The following RALYL variants were observed in gnomAD, a reference collection of about 807,000 sequenced individuals.
RALYL encodes the protein RALY RNA binding protein like, also known as RNA-binding Raly-like protein.
In RALYL, 29 loss-of-function variants were observed where a neutral mutation model predicts 35.1. The observed-to-expected ratio is 0.83, with a 90% CI of 0.61 to 1.13. The LOEUF (loss-of-function observed/expected upper bound fraction) is 1.13. Among genes scored for constraint, RALYL ranks in the 50% most tolerant of loss-of-function variants. RALYL has a pLI of 0.00. For synonymous variants in RALYL, 120 were observed against 127.6 expected (o/e 0.94, Z 0.40); for missense variants, 359 against 360.4 (o/e 1.00, Z 0.03).
chr8:84,312,675 T>G (rs1335525581), intron 1 of RALYL, among the ~76,000 whole-genome samples: 1 of 152,236 alleles, frequency 6.6e-6, no homozygotes, highest in South Asian at 2.1e-4. Context: ...CAGGGCATGC[T>G]GATGCAAAGG....
chr8:84,840,822 T>G (rs1833108484), intron 4 of RALYL, among the ~76,000 whole-genome samples: 1 of 152,146 alleles, frequency 6.6e-6, no homozygotes, highest in African/African-American at 2.4e-5. Flanking sequence ...TCAACATTCT[T>G]AAAGAAAAGA....
chr8:84,192,886 A>AGTGT (rs758028998), intron 1 of RALYL, among the ~76,000 whole-genome samples: 17 of 73,164 alleles, frequency 2.3e-4, no homozygotes, highest in East Asian at 1.4e-3. Flanking sequence ...TGAGGGAGGG[A>AGTGT]GTGTGTGTGT....
At chr8:84,342,057 T>C (rs1008292062) in intron 1 of RALYL, among the ~76,000 whole-genome samples, 1 of 151,350 alleles carries the variant, frequency 6.6e-6, no homozygotes, top group Non-Finnish European at 1.5e-5. Context: ...AAAAATATTG[T>C]TAATAAGACT....
intron 1 of RALYL, among the ~76,000 whole-genome samples, chr8:84,507,614 G>C (rs1270737897): frequency 1.3e-5 from 2 of 152,102 alleles, no homozygotes; most frequent in Non-Finnish European, 2.9e-5. Context: ...GCTCCTTGTT[G>C]CTCTGTGACA....
At chr8:84,360,592 C>A (rs1852786136) in intron 1 of RALYL, among the ~76,000 whole-genome samples, 1 of 151,994 alleles carries the variant, frequency 6.6e-6, no homozygotes, top group Non-Finnish European at 1.5e-5. Flanking sequence ...AAGCAGGGGG[C>A]ACAAGGATAC....
intron 2 of RALYL, among the ~76,000 whole-genome samples, chr8:84,746,994 GAAT>G (rs1808759412): frequency 6.6e-6 from 1 of 151,620 alleles, no homozygotes; most frequent in Non-Finnish European, 1.5e-5. Context: ...GGAAGAGTAG[GAAT>G]AATAAGCATT....
intron 8 of RALYL, among the ~76,000 whole-genome samples, chr8:84,894,116 G>A (rs1844336893): frequency 6.6e-6 from 1 of 152,116 alleles, no homozygotes; most frequent in Admixed American, 6.6e-5. Context: ...TTGAAAAACT[G>A]GAATGCATAA....
At chr8:84,317,144 A>G (rs1416501483) in intron 1 of RALYL, among the ~76,000 whole-genome samples, 5 of 152,172 alleles carry the variant, frequency 3.3e-5, no homozygotes, top group Admixed American at 3.3e-4. Context: ...ATTTTGTGAT[A>G]TTTTAGTTAT....
intron 1 of RALYL, among the ~76,000 whole-genome samples, chr8:84,418,732 AC>A (rs528303796): frequency 3.3e-5 from 5 of 152,136 alleles, no homozygotes; most frequent in African/African-American, 4.8e-5. Context: ...ATTCACTGGG[AC>A]CTTGAACTTA....
chr8:84,682,961 T>G (rs906717627), intron 2 of RALYL, among the ~76,000 whole-genome samples: 1 of 152,214 alleles, frequency 6.6e-6, no homozygotes, highest in African/African-American at 2.4e-5. Context: ...TCTTTCCTGC[T>G]TTCTCCTGTG....
chr8:84,882,572 A>G (rs889018039), intron 7 of RALYL, among the ~76,000 whole-genome samples: 5 of 152,044 alleles, frequency 3.3e-5, no homozygotes, highest in African/African-American at 1.2e-4. Flanking sequence ...GACACATTTG[A>G]TATTTATTTT....
At chr8:84,870,034 G>GTGAT in intron 6 of RALYL, among the ~76,000 whole-genome samples, 1 of 152,224 alleles carries the variant, frequency 6.6e-6, no homozygotes, top group Admixed American at 6.5e-5. Flanking sequence ...AGATACTACA[G>GTGAT]TGATAGTGAT....
chr8:84,311,093 G>GAAAAAAA (rs1354856646), intron 1 of RALYL, among the ~76,000 whole-genome samples: 4 of 77,210 alleles, frequency 5.2e-5, no homozygotes, highest in East Asian at 4.0e-4. Context: ...AAAAAAAAAT[G>GAAAAAAA]TATATTAATG....
chr8:84,882,773 TAA>T (rs1453833114), intron 7 of RALYL, among the ~76,000 whole-genome samples: 2 of 151,494 alleles, frequency 1.3e-5, no homozygotes, highest in Non-Finnish European at 3.0e-5. Flanking sequence ...ACATTGACAG[TAA>T]AAAGAGTGAT....
chr8:84,658,072 C>T (rs772050999), intron 2 of RALYL, among the ~76,000 whole-genome samples: 7 of 151,982 alleles, frequency 4.6e-5, no homozygotes, highest in Non-Finnish European at 8.8e-5. Context: ...TTTTCATGTC[C>T]CTTGCTTCAC....
intron 1 of RALYL, among the ~76,000 whole-genome samples, chr8:84,234,771 T>A (rs35316399): frequency 0.39 from 43,053 of 110,588 alleles, 7,146 homozygotes; most frequent in East Asian, 0.49. Flanking sequence ...ATTTATTTAT[T>A]TTTTTTTTTT....
In RALYL at chr8:84,732,668, T is replaced by TTATATATATATATGTA. The variant is rs1554553643; in HGVS notation, c.257-41898_257-41897insGTATATATATATATAT. ...TTTTATTATCATAATTATTAAATAA[T>TTATATATATATATGTA]TATATATATATATATACACACACAC... On this transcript the variant is annotated intron_variant, in intron 2 of 8. Transcript: ENST00000521268. 4.9e-4 allele frequency among the ~76,000 whole-genome samples: 65 copies of TTATATATATATATGTA among 132,486 alleles called. 2 individuals carry two copies. Among genetic ancestry groups the TTATATATATATATGTA allele is most frequent in the African/African-American group, 1.4e-3 (44 of 31,478 alleles). 86.9% of individuals were successfully genotyped at this position (132,486 alleles called of 152,430 possible). A position where few individuals can be genotyped will look rare whatever the true frequency, so the allele number is the denominator to read the frequency against.
chr8:84,689,252 C>T (rs1162291080), intron 2 of RALYL, among the ~76,000 whole-genome samples: 1 of 152,078 alleles, frequency 6.6e-6, no homozygotes, highest in Non-Finnish European at 1.5e-5. Context: ...CAACAGTCCC[C>T]AGAGTGTGAT....
At chr8:84,265,349 A>C (rs888122115) in intron 1 of RALYL, among the ~76,000 whole-genome samples, 4 of 152,204 alleles carry the variant, frequency 2.6e-5, no homozygotes, top group Admixed American at 2.0e-4. Flanking sequence ...AGAAAGAGAT[A>C]CTATGACAGA....
Sources: gnomAD v4.1 joint callset for allele counts (sites outside exome capture counted in the v4.1 genomes callset) on GRCh38, gnomAD v4.1.1 for gene constraint, MANE v1.5 for transcripts, NCBI Gene and HGNC (gene_info 2026-07-23, HGNC 2026-07-21) for gene names.